KCNA6: variants seen among roughly 807,000 people sequenced by gnomAD.
The protein encoded by KCNA6 is human brain potassium channel-2.
In KCNA6, 17 loss-of-function variants were observed where a neutral mutation model predicts 29.5. The observed-to-expected ratio is 0.58, with a 90% CI of 0.39 to 0.86. The LOEUF (loss-of-function observed/expected upper bound fraction) is 0.86, where lower values mean the gene tolerates loss of function less well. KCNA6 is among the 40% of genes least tolerant of loss of function. The pLI is 0.00. For synonymous variants in KCNA6, 296 were observed against 304.7 expected, an observed-to-expected ratio of 0.97 and a Z score of 0.30; for missense variants, 450 against 703.4, an observed-to-expected ratio of 0.64 and a Z score of 4.07.
chr12:4,815,151 G>A (rs896169370), downstream of KCNA6, among the ~76,000 whole-genome samples: 1 of 151,152 alleles, frequency 6.6e-6, no homozygotes, highest in Non-Finnish European at 1.5e-5. Context: ...TTCCTTCTAT[G>A]TGTGTCTTCC....
At chr12:4,832,870 A>G in the KCNA6 span, among the ~76,000 whole-genome samples, 7 of 152,130 alleles carry the variant, frequency 4.6e-5, no homozygotes, top group African/African-American at 1.7e-4. Context: ...GTTGCTGTAC[A>G]TTTTTAGACT....
chr12:4,849,489 C>CTTT, the KCNA6 span, among the ~76,000 whole-genome samples: 341 of 101,416 alleles, frequency 3.4e-3, 18 homozygotes, highest in African/African-American at 6.1e-3. Flanking sequence ...GATTTTTGCT[C>CTTT]TTTTTTTTTT....
At chr12:4,817,349 G>C (rs1349851749), downstream of KCNA6, among the ~76,000 whole-genome samples, 1 of 152,180 alleles carries the variant, frequency 6.6e-6, no homozygotes, top group East Asian at 1.9e-4. Context: ...AAGACAGATG[G>C]GCTTTTAGCC....
At chr12:4,832,585 T>C in the KCNA6 span, among the ~76,000 whole-genome samples, 1 of 152,204 alleles carries the variant, frequency 6.6e-6, no homozygotes, top group South Asian at 2.1e-4. Flanking sequence ...CAGGCCTGCA[T>C]TGAGACACTG....
chr12:4,831,546 G>C, the KCNA6 span, among the ~76,000 whole-genome samples: 1 of 152,156 alleles, frequency 6.6e-6, no homozygotes, highest in Non-Finnish European at 1.5e-5. Flanking sequence ...ATGGGAGCTG[G>C]AAGGGGTCGG....
the KCNA6 span, chr12:4,850,818 A>C: frequency 2.2e-6 from 1 of 454,828 alleles, no homozygotes; most frequent in South Asian, 1.6e-5. This position sits in a 1 kb window ranked among gnomAD's most constrained non-coding sequence, Gnocchi z 5.4. Flanking sequence ...CTTCTTCAGA[A>C]GACGAGAACC....
the KCNA6 span, among the ~76,000 whole-genome samples, chr12:4,824,434 C>T: frequency 6.6e-6 from 1 of 152,172 alleles, no homozygotes; most frequent in African/African-American, 2.4e-5. Context: ...TTGGTCATAA[C>T]AGAGGCGACT....
At chr12:4,841,226 T>C in the KCNA6 span, among the ~76,000 whole-genome samples, 1 of 152,192 alleles carries the variant, frequency 6.6e-6, no homozygotes, top group South Asian at 2.1e-4. Flanking sequence ...CAGATGAGCA[T>C]TCTCATGGTG....
At position 4,810,447 on chromosome 12, in the gene KCNA6, G is replaced by T. The variant is rs1163795864; in HGVS notation, c.406G>T (p.Glu136Ter). Reference sequence around the variant, plus strand: ...GGACGAGGCCCTGGCGGCCTTCCGGGAGGACGAGGGCTGCCTGCCCGAAGG... The same window carrying T: ...GGACGAGGCCCTGGCGGCCTTCCGGTAGGACGAGGGCTGCCTGCCCGAAGG... The change falls in exon 1 of 1, where the codon GAG (glutamate) becomes TAG (stop). Residue 136 changes from glutamate (E) to a stop codon, truncating the protein, a stop_gained. Coordinates refer to ENST00000280684, the Ensembl canonical transcript of KCNA6. LOFTEE classifies it high-confidence loss of function. This position sits in a 1 kb window ranked among gnomAD's most constrained non-coding sequence, Gnocchi z 7.5. 6.2e-7 allele frequency: 1 copy of T among 1,613,980 alleles called. No homozygotes were observed. The highest frequency in any genetic ancestry group is 1.3e-5 in the African/African-American group (1 of 74,942).
exon 1 of KCNA6, chr12:4,813,280 T>G (rs1451460327): frequency 6.0e-6 from 1 of 167,026 alleles, no homozygotes; most frequent in East Asian, 1.9e-4. Flanking sequence ...CAGTCACTCT[T>G]TGTGCCTCAG....
the KCNA6 span, among the ~76,000 whole-genome samples, chr12:4,825,696 C>T: frequency 2.6e-5 from 4 of 152,220 alleles, no homozygotes; most frequent in Non-Finnish European, 4.4e-5. Flanking sequence ...TGATAAAACA[C>T]ATCCTCTTCC....
exon 1 of KCNA6, chr12:4,809,673 G>A (rs925664025): frequency 4.3e-5 from 9 of 207,208 alleles, no homozygotes; most frequent in Non-Finnish European, 7.6e-5. Flanking sequence ...GCTGGAGGGC[G>A]GACCTCTGCG....
chr12:4,841,800 C>T, the KCNA6 span, among the ~76,000 whole-genome samples: 1 of 152,014 alleles, frequency 6.6e-6, no homozygotes, highest in Non-Finnish European at 1.5e-5. Context: ...AAAAAACATG[C>T]GATCTCCAAG....
At chr12:4,816,985 C>T (rs1211562690), downstream of KCNA6, among the ~76,000 whole-genome samples, 1 of 152,220 alleles carries the variant, frequency 6.6e-6, no homozygotes, top group East Asian at 1.9e-4. Flanking sequence ...TGAGCCCTTG[C>T]TTGCAGCAGC....
At chr12:4,850,841 G>T in the KCNA6 span, 1 of 453,502 alleles carries the variant, frequency 2.2e-6, no homozygotes, top group South Asian at 1.6e-5. The surrounding 1 kb of genome is among the most constrained non-coding windows in gnomAD (Gnocchi z 5.4). Context: ...GCCTGGCACC[G>T]CTGGCAGGCA....
downstream of KCNA6, among the ~76,000 whole-genome samples, chr12:4,817,049 G>A (rs562190605): frequency 2.0e-4 from 31 of 152,328 alleles, no homozygotes; most frequent in African/African-American, 7.0e-4. Context: ...CCCAGAGAGC[G>A]TGGTCCTTCC....
At chr12:4,820,581 A>ACACACG in the KCNA6 span, among the ~76,000 whole-genome samples, 54 of 151,842 alleles carry the variant, frequency 3.6e-4, no homozygotes, top group African/African-American at 1.3e-3. Context: ...ACACACACAC[A>ACACACG]CACACACACA....
chr12:4,850,280 T>G, the KCNA6 span, among the ~76,000 whole-genome samples: 3 of 138,586 alleles, frequency 2.2e-5, no homozygotes, highest in African/African-American at 8.1e-5. The surrounding 1 kb of genome is among the most constrained non-coding windows in gnomAD (Gnocchi z 5.4). Flanking sequence ...CTGACGCTGG[T>G]GCAGGCTGAG....
chr12:4,843,281 C>T, the KCNA6 span, among the ~76,000 whole-genome samples: 1 of 151,716 alleles, frequency 6.6e-6, no homozygotes, highest in Non-Finnish European at 1.5e-5. Flanking sequence ...CCCGGGTTCA[C>T]ACCATTCTCC....
Sources: allele counts gnomAD v4.1 joint callset (sites outside exome capture counted in the v4.1 genomes callset), GRCh38; gene constraint gnomAD v4.1.1; non-coding constraint Gnocchi (gnomAD v3.1); transcripts MANE v1.5; gene names NCBI Gene and HGNC (gene_info 2026-07-23, HGNC 2026-07-21).